Variants in PEX14 observed in about 807,000 individuals in gnomAD.
PEX14 encodes peroxisomal biogenesis factor 14.
Under a neutral mutation model 49.5 loss-of-function variants are expected in PEX14, and 15 were observed. That is an observed-to-expected ratio of 0.30 (90% CI 0.20 to 0.47). PEX14 has a LOEUF of 0.47. Ranked by LOEUF, PEX14 falls within the 20% of genes least tolerant of loss-of-function variation. PEX14 has a pLI of 1.00. For missense variants in PEX14, 398 were observed against 494.8 expected, an observed-to-expected ratio of 0.80 and a Z score of 1.86; for synonymous variants, 210 against 212.7, an observed-to-expected ratio of 0.99 and a Z score of 0.11.
intron 2 of PEX14, among the ~76,000 whole-genome samples, chr1:10,501,565 T>C (rs1441009399): frequency 6.6e-6 from 1 of 152,080 alleles, no homozygotes; most frequent in Non-Finnish European, 1.5e-5. Context: ...CCTCCCAAAG[T>C]GCTGGGATTA....
chr1:10,477,312 C>T (rs942079516), intron 1 of PEX14, among the ~76,000 whole-genome samples: 9 of 151,958 alleles, frequency 5.9e-5, no homozygotes, highest in Admixed American at 4.6e-4. Flanking sequence ...CCTCATGATC[C>T]GCCCACCTCA....
chr1:10,609,659 C>T (rs1258600726), intron 4 of PEX14, among the ~76,000 whole-genome samples: 2 of 152,014 alleles, frequency 1.3e-5, no homozygotes, highest in Non-Finnish European at 2.9e-5. Flanking sequence ...CTGAGGAGGG[C>T]GGATCACCTG....
intron 3 of PEX14, among the ~76,000 whole-genome samples, chr1:10,587,690 A>G (rs943984982): frequency 6.6e-6 from 1 of 152,070 alleles, no homozygotes; most frequent in African/African-American, 2.4e-5. Flanking sequence ...TGTAGCAGTA[A>G]AGGTTCAGTA....
intron 3 of PEX14, among the ~76,000 whole-genome samples, chr1:10,596,670 C>T (rs1640841523): frequency 6.6e-6 from 1 of 152,310 alleles, no homozygotes; most frequent in African/African-American, 2.4e-5. Flanking sequence ...TTTCTACCCT[C>T]CTTGGGCCTC....
intron 2 of PEX14, among the ~76,000 whole-genome samples, chr1:10,527,525 A>AG (rs1237620342): frequency 6.6e-6 from 1 of 151,710 alleles, no homozygotes; most frequent in Non-Finnish European, 1.5e-5. Context: ...CAAAAAAAAA[A>AG]AAAAAGAAAA....
intron 3 of PEX14, among the ~76,000 whole-genome samples, chr1:10,549,740 G>A (rs1639283541): frequency 6.6e-6 from 1 of 152,170 alleles, no homozygotes; most frequent in Non-Finnish European, 1.5e-5. Context: ...CCTCCAATGA[G>A]CATTTCCTTT....
At chr1:10,558,098 A>G (rs1468916721) in intron 3 of PEX14, among the ~76,000 whole-genome samples, 2 of 152,092 alleles carry the variant, frequency 1.3e-5, no homozygotes, top group Admixed American at 6.6e-5. Flanking sequence ...TAATGCTGCA[A>G]TGTTTTTATT....
rs1641835569 is a variant in PEX14 at position 10,629,192 on chromosome 1, G to A, written c.678-339G>A. 6.6e-6 allele frequency among the ~76,000 whole-genome samples: 1 copy of A among 152,250 alleles called. No individual in the cohort carries two copies. Among genetic ancestry groups the A allele is most frequent in the Admixed American group, 6.5e-5 (1 of 15,290 alleles). ...TCCTGGCCACTGGGTTGGAGGCAGGGATGGTGCTGAGGATCAGAAGGAAGC... is the reference window on the plus strand; with the variant it reads ...TCCTGGCCACTGGGTTGGAGGCAGGAATGGTGCTGAGGATCAGAAGGAAGC... On this transcript the variant is annotated intron_variant, in intron 8 of 8. Coordinates refer to ENST00000356607, the MANE Select transcript of PEX14 (RefSeq NM_004565.3). The surrounding 1 kb of genome is among the most constrained non-coding windows in gnomAD (Gnocchi z 8.5).
At chr1:10,568,734 T>C (rs1455972319) in intron 3 of PEX14, among the ~76,000 whole-genome samples, 1 of 152,008 alleles carries the variant, frequency 6.6e-6, no homozygotes, top group East Asian at 1.9e-4. Flanking sequence ...TAGAGTGTTT[T>C]TTGTTTTGTT....
intron 2 of PEX14, among the ~76,000 whole-genome samples, chr1:10,510,564 A>G (rs1170049655): frequency 6.6e-6 from 1 of 152,190 alleles, no homozygotes; most frequent in Non-Finnish European, 1.5e-5. Context: ...GTAGGAAAGG[A>G]GTCCCTGTGT....
chr1:10,615,075 T>C (rs945874733), intron 4 of PEX14, among the ~76,000 whole-genome samples: 2 of 152,134 alleles, frequency 1.3e-5, no homozygotes, highest in African/African-American at 4.8e-5. Context: ...AGTAGCACTG[T>C]CCCCTTCCCA....
At chr1:10,526,138 T>C (rs1200691158) in intron 2 of PEX14, among the ~76,000 whole-genome samples, 2 of 151,122 alleles carry the variant, frequency 1.3e-5, no homozygotes, top group African/African-American at 4.9e-5. Context: ...GCCAGGATGG[T>C]CTCGATCTCC....
intron 3 of PEX14, among the ~76,000 whole-genome samples, chr1:10,568,350 C>A (rs1639874235): frequency 8.3e-6 from 1 of 120,316 alleles, no homozygotes. Flanking sequence ...CTCCCACTAA[C>A]AGATAATCAT....
intron 2 of PEX14, among the ~76,000 whole-genome samples, chr1:10,520,207 G>A (rs984624456): frequency 9.1e-5 from 13 of 143,096 alleles, no homozygotes; most frequent in Non-Finnish European, 1.5e-5. Flanking sequence ...ACCCCAGGCT[G>A]GAGTGCAGTG....
chr1:10,618,559 G>C, intron 5 of PEX14, 142 bp downstream of exon 5: 2 of 730,708 alleles, frequency 2.7e-6, no homozygotes, highest in Non-Finnish European at 4.8e-6. Flanking sequence ...GGTAGAGGTC[G>C]GGGTTCACAG....
intron 1 of PEX14, among the ~76,000 whole-genome samples, chr1:10,491,951 G>A (rs1199906309): frequency 6.6e-6 from 1 of 152,056 alleles, no homozygotes; most frequent in Admixed American, 6.6e-5. Flanking sequence ...CTGAAGTGCT[G>A]GGATTACAGG....
chr1:10,542,628 G>A (rs1639050004), intron 3 of PEX14, among the ~76,000 whole-genome samples: 1 of 152,150 alleles, frequency 6.6e-6, no homozygotes, highest in South Asian at 2.1e-4. Context: ...CGGCGTGGTG[G>A]TATGCGCCTG....
At chr1:10,576,833 T>C (rs1640129427) in intron 3 of PEX14, among the ~76,000 whole-genome samples, 1 of 151,648 alleles carries the variant, frequency 6.6e-6, no homozygotes, top group Admixed American at 6.6e-5. Flanking sequence ...CTCAGCACAC[T>C]GCAACCTCTG....
At chr1:10,531,451 C>T (rs1042556643) in intron 2 of PEX14, among the ~76,000 whole-genome samples, 2 of 152,128 alleles carry the variant, frequency 1.3e-5, no homozygotes, top group African/African-American at 2.4e-5. Context: ...TTTGGTCTAA[C>T]GCTTGTTAAC....
Sources: allele counts gnomAD v4.1 joint callset (sites outside exome capture counted in the v4.1 genomes callset), GRCh38; gene constraint gnomAD v4.1.1; non-coding constraint Gnocchi (gnomAD v3.1); transcripts MANE v1.5; gene names NCBI Gene and HGNC (gene_info 2026-07-23, HGNC 2026-07-21).